Variants in KDM4C observed in about 807,000 individuals in gnomAD.
The protein encoded by KDM4C is lysine demethylase 4C.
In KDM4C, 81 loss-of-function variants were observed where a neutral mutation model predicts 129.3. The ratio of observed to expected loss-of-function variants is 0.63; its 90% CI spans 0.52 to 0.75. The LOEUF (loss-of-function observed/expected upper bound fraction) is 0.75, where lower values mean the gene tolerates loss of function less well. KDM4C is among the 30% of genes least tolerant of loss of function. KDM4C has a pLI of 0.00. For missense variants in KDM4C, 1,457 were observed against 1,304.0 expected, an observed-to-expected ratio of 1.12 and a Z score of -1.81; for synonymous variants, 573 against 456.1, an observed-to-expected ratio of 1.26 and a Z score of -3.26.
intron 17 of KDM4C, among the ~76,000 whole-genome samples, chr9:7,085,096 C>G (rs979414225): frequency 6.6e-6 from 1 of 152,106 alleles, no homozygotes; most frequent in African/African-American, 2.4e-5. Context: ...ATTCGAGGAC[C>G]CTGAGGTGGA....
chr9:7,122,053 A>G lies in KDM4C; in HGVS notation c.2611-6013A>G, dbSNP rs111775844. ...TGTGTTAGTCTATTTTCGCATTGCT[A>G]TGAAGAACTACCTGAGACTGGGTAA... On this transcript the variant is annotated intron_variant, in intron 18 of 21. Coordinates refer to ENST00000381309, the MANE Select transcript of KDM4C (RefSeq NM_015061.6). Among the ~76,000 whole-genome samples, 437 of 152,066 alleles carry G rather than the reference A, an allele frequency of 2.9e-3. 1 individual carries two copies. The highest frequency in any genetic ancestry group is 0.01 in the African/African-American group (417 of 41,464).
chr9:6,751,511 T>G (rs1818063674), intron 1 of KDM4C, among the ~76,000 whole-genome samples: 1 of 152,118 alleles, frequency 6.6e-6, no homozygotes, highest in African/African-American at 2.4e-5. Flanking sequence ...GATCTCTTGA[T>G]GGAAGGAAGG....
At chr9:6,831,402 C>G (rs1834797020) in intron 4 of KDM4C, among the ~76,000 whole-genome samples, 2 of 151,798 alleles carry the variant, frequency 1.3e-5, no homozygotes, top group African/African-American at 2.4e-5. Flanking sequence ...GAGCCTCACT[C>G]TGTCGGCCAG....
intron 4 of KDM4C, among the ~76,000 whole-genome samples, chr9:6,817,613 A>G (rs1406642403): frequency 1.3e-5 from 2 of 152,316 alleles, no homozygotes; most frequent in East Asian, 1.9e-4. Context: ...CTCATTCTGC[A>G]TCTGAATTTT....
intron 8 of KDM4C, among the ~76,000 whole-genome samples, chr9:6,898,898 A>G (rs1487788070): frequency 6.6e-6 from 1 of 152,194 alleles, no homozygotes; most frequent in African/African-American, 2.4e-5. Context: ...ACAAAATACT[A>G]GTATAGTGAT....
chr9:6,799,270 G>T (rs866649069), intron 2 of KDM4C, among the ~76,000 whole-genome samples: 1 of 152,242 alleles, frequency 6.6e-6, no homozygotes, highest in African/African-American at 2.4e-5. Flanking sequence ...TCCAGCCTGG[G>T]CACCATTGAG....
chr9:7,128,365 A>G (rs1441037820), intron 19 of KDM4C, 129 bp downstream of exon 19: 11 of 589,122 alleles, frequency 1.9e-5, no homozygotes, highest in Non-Finnish European at 2.4e-5. Flanking sequence ...AGACTTTATC[A>G]TTCTAAATAA....
At chr9:7,021,067 A>G (rs1441353586) in intron 15 of KDM4C, among the ~76,000 whole-genome samples, 2 of 151,662 alleles carry the variant, frequency 1.3e-5, no homozygotes, top group African/African-American at 4.8e-5. Context: ...AAGAGTGTCA[A>G]TGGTTGAGCA....
intron 8 of KDM4C, among the ~76,000 whole-genome samples, chr9:6,947,732 G>A (rs1827235255): frequency 6.6e-6 from 1 of 151,948 alleles, no homozygotes; most frequent in Admixed American, 6.6e-5. Context: ...TTTCTAATAT[G>A]GCTGTGCTTT....
chr9:6,818,020 C>T (rs981585319), intron 4 of KDM4C, among the ~76,000 whole-genome samples: 1 of 151,782 alleles, frequency 6.6e-6, no homozygotes, highest in African/African-American at 2.4e-5. Context: ...CTACCTCAGC[C>T]TTCCAAAGTG....
intron 1 of KDM4C, among the ~76,000 whole-genome samples, chr9:6,761,483 C>G (rs1819485181): frequency 6.6e-6 from 1 of 151,986 alleles, no homozygotes; most frequent in Non-Finnish European, 1.5e-5. Flanking sequence ...ACTACAGGTA[C>G]ATGCCATCAT....
chr9:6,811,290 A>G (rs1237307827), intron 3 of KDM4C, among the ~76,000 whole-genome samples: 1 of 152,096 alleles, frequency 6.6e-6, no homozygotes, highest in African/African-American at 2.4e-5. Flanking sequence ...AGCAGCTGGG[A>G]CCACAGGTGC....
intron 15 of KDM4C, among the ~76,000 whole-genome samples, chr9:7,035,741 C>CT (rs1258427217): frequency 6.6e-6 from 1 of 152,134 alleles, no homozygotes; most frequent in East Asian, 1.9e-4. Context: ...ATTGAAGAGA[C>CT]TGTCAATTCC....
chr9:6,961,591 T>G (rs1030908899), intron 8 of KDM4C, among the ~76,000 whole-genome samples: 2 of 152,236 alleles, frequency 1.3e-5, no homozygotes, highest in Non-Finnish European at 2.9e-5. Context: ...AATTGTCTTT[T>G]TAAATATCTA....
At chr9:6,898,425 A>G (rs998294784) in intron 8 of KDM4C, among the ~76,000 whole-genome samples, 1 of 152,164 alleles carries the variant, frequency 6.6e-6, no homozygotes, top group Non-Finnish European at 1.5e-5. Flanking sequence ...ATATTATCTT[A>G]TTGGAAGGAA....
chr9:7,015,744 G>A (rs1022413070), intron 14 of KDM4C, 109 bp from the exon 15 acceptor site: 36 of 684,206 alleles, frequency 5.3e-5, no homozygotes, highest in Middle Eastern at 2.7e-4. Flanking sequence ...TGAGAATCAA[G>A]ACAGTATGGT....
chr9:7,101,040 C>G (rs1039831977), intron 17 of KDM4C, among the ~76,000 whole-genome samples: 1 of 151,978 alleles, frequency 6.6e-6, no homozygotes, highest in Non-Finnish European at 1.5e-5. Context: ...ATCCTTTTTC[C>G]TATATAGTTA....
In KDM4C at chr9:7,128,247, T is replaced by C; in HGVS notation, c.2781+11T>C. On this transcript the variant is annotated intron_variant, in intron 19 of 21. Transcript: ENST00000381309. ...CCTGAGGATATCGTGGTAAGTAGGC[T>C]TCCTTGAGTGCCTGCTACCCAGAGT... 1 of 1,556,768 alleles carries C rather than the reference T, an allele frequency of 6.4e-7. No homozygotes were observed. The highest frequency in any genetic ancestry group is 1.4e-5 in the African/African-American group (1 of 72,228).
intron 1 of KDM4C, among the ~76,000 whole-genome samples, chr9:6,781,721 A>G (rs1485195831): frequency 6.6e-6 from 1 of 152,126 alleles, no homozygotes; most frequent in Non-Finnish European, 1.5e-5. Flanking sequence ...TCAGCTGGGA[A>G]TGTGTGCATT....
Sources: gnomAD v4.1 joint callset for allele counts (sites outside exome capture counted in the v4.1 genomes callset) on GRCh38, gnomAD v4.1.1 for gene constraint, MANE v1.5 for transcripts, NCBI Gene and HGNC (gene_info 2026-07-23, HGNC 2026-07-21) for gene names.